The following SDK1 variants were observed in gnomAD, a reference collection of about 807,000 sequenced individuals.
SDK1 encodes sidekick cell adhesion molecule 1.
SDK1 carries 157 observed loss-of-function variants against 245.5 expected under a neutral mutation model. The ratio of observed to expected loss-of-function variants is 0.64; its 90% CI spans 0.56 to 0.73. SDK1 has a LOEUF of 0.73. Among genes scored for constraint, SDK1 ranks in the 30% least tolerant of loss-of-function variants. The pLI is 0.00. For synonymous variants in SDK1, 1,647 were observed against 1,278.5 expected (o/e 1.29, Z -6.15); for missense variants, 3,583 against 3,002.3 (o/e 1.19, Z -4.52).
At chr7:3,667,317 A>G (rs1232458592) in intron 4 of SDK1, among the ~76,000 whole-genome samples, 4 of 152,172 alleles carry the variant, frequency 2.6e-5, no homozygotes, top group African/African-American at 7.2e-5. Flanking sequence ...CAATGGTAAC[A>G]CCATTTATTT....
intron 13 of SDK1, among the ~76,000 whole-genome samples, chr7:3,981,324 T>C (rs1218215514): frequency 1.3e-5 from 2 of 152,220 alleles, no homozygotes; most frequent in African/African-American, 4.8e-5. Flanking sequence ...AACAGGCCAT[T>C]CCCTGTCTCC....
intron 42 of SDK1, 97 bp from the exon 43 acceptor site, chr7:4,241,696 G>A: frequency 2.7e-6 from 4 of 1,489,030 alleles, no homozygotes; most frequent in Non-Finnish European, 2.8e-6. Flanking sequence ...GCGTGCAGCA[G>A]GACTCAGGAG....
chr7:3,894,400 G>A (rs972179702), intron 5 of SDK1, among the ~76,000 whole-genome samples: 1 of 151,652 alleles, frequency 6.6e-6, no homozygotes, highest in African/African-American at 2.4e-5. Flanking sequence ...GCCTGTACTG[G>A]AAGCTCCTGA....
chr7:3,501,430 G>C (rs1221947089), intron 1 of SDK1, among the ~76,000 whole-genome samples: 2 of 151,980 alleles, frequency 1.3e-5, no homozygotes, highest in South Asian at 2.1e-4. Context: ...TAGGTTCCGA[G>C]TGACAGCCTA....
At chr7:3,844,887 A>G (rs1222402307) in intron 5 of SDK1, among the ~76,000 whole-genome samples, 2 of 152,252 alleles carry the variant, frequency 1.3e-5, no homozygotes. Flanking sequence ...TGAATTAATC[A>G]AACGACTGGT....
chr7:4,135,407 G>T (rs938250405), intron 28 of SDK1, among the ~76,000 whole-genome samples: 1 of 152,194 alleles, frequency 6.6e-6, no homozygotes, highest in South Asian at 2.1e-4. Context: ...TCGCCCTAGA[G>T]AAATTCTTGC....
intron 29 of SDK1, among the ~76,000 whole-genome samples, 192 bp from the exon 30 acceptor site, chr7:4,149,055 AAAAACAAAACAAAAC>A (rs59907207): frequency 3.3e-5 from 5 of 151,378 alleles, no homozygotes; most frequent in Admixed American, 6.6e-5. Context: ...ACTCTGTCTC[AAAAACAAAACAAAAC>A]AAAACAAAAC....
chr7:3,950,951 C>T lies in SDK1; in HGVS notation c.876C>T (p.Ala292=). 1 of 1,614,020 alleles carries T rather than the reference C, an allele frequency of 6.2e-7. No homozygotes were observed. The highest frequency in any genetic ancestry group is 1.1e-5 in the South Asian group (1 of 91,072). The part of the protein sequence containing the change: ...ARDVGTPETM[A]PTIVVPPGNR... Reference sequence around the variant, plus strand: ...ATGTTGGCACACCTGAAACCATGGCCCCAACCATTGTGGTTCCCCCGGGCA... The same window carrying T: ...ATGTTGGCACACCTGAAACCATGGCTCCAACCATTGTGGTTCCCCCGGGCA... The change falls in exon 6 of 45, where the codon GCC becomes GCT. Residue 292 remains alanine, a synonymous_variant. Coordinates refer to ENST00000404826, the MANE Select transcript of SDK1 (RefSeq NM_152744.4).
intron 4 of SDK1, among the ~76,000 whole-genome samples, chr7:3,727,666 T>G (rs1779049648): frequency 6.6e-6 from 1 of 152,058 alleles, no homozygotes; most frequent in East Asian, 1.9e-4. Flanking sequence ...AAATTTTGTA[T>G]TTTTAGTAGA....
intron 1 of SDK1, among the ~76,000 whole-genome samples, chr7:3,489,685 G>A (rs1167289640): frequency 6.6e-6 from 1 of 152,172 alleles, no homozygotes; most frequent in African/African-American, 2.4e-5. Context: ...TTCAGGGAAA[G>A]TTTCTAATGT....
intron 4 of SDK1, among the ~76,000 whole-genome samples, chr7:3,704,401 G>T (rs967229900): frequency 6.7e-6 from 1 of 149,300 alleles, no homozygotes; most frequent in African/African-American, 2.5e-5. Context: ...GGCCATTCTT[G>T]CAGGAGTAAG....
At chr7:4,117,470 T>TA (rs1354765645) in intron 25 of SDK1, among the ~76,000 whole-genome samples, 1 of 152,222 alleles carries the variant, frequency 6.6e-6, no homozygotes, top group East Asian at 1.9e-4. Flanking sequence ...ATTATGCCTC[T>TA]AAAAAATAAG....
At chr7:4,214,983 C>T (rs1490060073) in intron 38 of SDK1, among the ~76,000 whole-genome samples, 1 of 152,222 alleles carries the variant, frequency 6.6e-6, no homozygotes, top group Admixed American at 6.5e-5. Context: ...CAACCCTGCC[C>T]CCCAGTGCCA....
intron 4 of SDK1, among the ~76,000 whole-genome samples, chr7:3,819,141 G>C (rs1779583460): frequency 6.6e-6 from 1 of 151,994 alleles, no homozygotes; most frequent in African/African-American, 2.4e-5. Flanking sequence ...AGAAAGATTT[G>C]GATAGGAACA....
At chr7:4,062,107 A>C (rs928919801) in intron 19 of SDK1, among the ~76,000 whole-genome samples, 3 of 152,032 alleles carry the variant, frequency 2.0e-5, no homozygotes, top group Non-Finnish European at 2.9e-5. Context: ...CATTGTGCAC[A>C]TGTACCCTAA....
intron 5 of SDK1, among the ~76,000 whole-genome samples, chr7:3,945,922 A>AAAAAAAAAAAAAAAAAAAAC (rs1780558793): frequency 7.0e-6 from 1 of 142,872 alleles, no homozygotes; most frequent in African/African-American, 2.6e-5. Flanking sequence ...AAAAAAAAAA[A>AAAAAAAAAAAAAAAAAAAAC]AAAAAAAAAA....
chr7:4,242,937 G>A (rs1786620896), intron 43 of SDK1, among the ~76,000 whole-genome samples: 2 of 152,224 alleles, frequency 1.3e-5, no homozygotes, highest in South Asian at 2.1e-4. Flanking sequence ...CCCCACAGGT[G>A]CCAGTCCAAA....
intron 1 of SDK1, among the ~76,000 whole-genome samples, chr7:3,383,269 G>GGT (rs2128567611): frequency 6.6e-6 from 1 of 152,198 alleles, no homozygotes; most frequent in South Asian, 2.1e-4. Context: ...AAATTAGCCT[G>GGT]GTGTGGTGGC....
chr7:3,676,647 T>G (rs753288608), intron 4 of SDK1, among the ~76,000 whole-genome samples: 5 of 152,218 alleles, frequency 3.3e-5, no homozygotes, highest in Non-Finnish European at 5.9e-5. Flanking sequence ...TTTTTAAGCT[T>G]GAGGTCTTAT....
Sources: gnomAD v4.1 joint callset for allele counts (sites outside exome capture counted in the v4.1 genomes callset) on GRCh38, gnomAD v4.1.1 for gene constraint, MANE v1.5 for transcripts, NCBI Gene and HGNC (gene_info 2026-07-23, HGNC 2026-07-21) for gene names.